The following KCNIP4 variants were observed in gnomAD, a reference collection of about 807,000 sequenced individuals.
KCNIP4 encodes the protein Kv channel-interacting protein 4.
KCNIP4 carries 12 observed loss-of-function variants against 34.0 expected under a neutral mutation model. The observed-to-expected ratio is 0.35, with a 90% CI of 0.23 to 0.57. KCNIP4 has a LOEUF of 0.57. KCNIP4 is among the 20% of genes least tolerant of loss of function. The pLI is 0.83. For synonymous variants in KCNIP4, 124 were observed against 102.2 expected, an observed-to-expected ratio of 1.21 and a Z score of -1.29; for missense variants, 238 against 311.7, an observed-to-expected ratio of 0.76 and a Z score of 1.78.
chr4:21,269,061 C>T (rs1761985184), intron 1 of KCNIP4, among the ~76,000 whole-genome samples: 1 of 152,106 alleles, frequency 6.6e-6, no homozygotes, highest in Non-Finnish European at 1.5e-5. Flanking sequence ...TGGAAGAGGC[C>T]TTGTATACCA....
chr4:20,877,098 G>A (rs970605103), intron 2 of KCNIP4, among the ~76,000 whole-genome samples: 4 of 152,108 alleles, frequency 2.6e-5, no homozygotes, highest in African/African-American at 4.8e-5. Flanking sequence ...TGCCCTTCTG[G>A]TTTCCCATTG....
intron 1 of KCNIP4, among the ~76,000 whole-genome samples, chr4:21,386,196 C>T (rs997692182): frequency 1.3e-5 from 2 of 152,068 alleles, no homozygotes; most frequent in Non-Finnish European, 2.9e-5. Context: ...TTTCTTAAGG[C>T]GGAATTACCT....
chr4:20,920,626 G>C (rs1729301858), intron 1 of KCNIP4, among the ~76,000 whole-genome samples: 1 of 152,174 alleles, frequency 6.6e-6, no homozygotes, highest in Non-Finnish European at 1.5e-5. Flanking sequence ...ACAGTACATG[G>C]AGAAGCCAAG....
At chr4:21,173,711 C>T (rs1207157767) in intron 1 of KCNIP4, among the ~76,000 whole-genome samples, 2 of 152,186 alleles carry the variant, frequency 1.3e-5, no homozygotes, top group African/African-American at 4.8e-5. Flanking sequence ...AGGTCCAGTG[C>T]TCTCTGCAGC....
intron 1 of KCNIP4, among the ~76,000 whole-genome samples, chr4:21,769,415 A>T (rs1718631977): frequency 6.6e-6 from 1 of 152,078 alleles, no homozygotes; most frequent in Admixed American, 6.6e-5. Flanking sequence ...ATTTGATTTC[A>T]TTTGTGGTAT....
chr4:21,426,776 A>C (rs534287345), intron 1 of KCNIP4, among the ~76,000 whole-genome samples: 161 of 151,930 alleles, frequency 1.1e-3, no homozygotes, highest in African/African-American at 3.7e-3. Flanking sequence ...AAAAAAAAAA[A>C]TTAGTTTTAA....
chr4:21,198,082 G>A (rs1206544662), intron 1 of KCNIP4, among the ~76,000 whole-genome samples: 1 of 152,162 alleles, frequency 6.6e-6, no homozygotes, highest in African/African-American at 2.4e-5. Flanking sequence ...CTATACATAT[G>A]AGTAATTTTC....
intron 1 of KCNIP4, among the ~76,000 whole-genome samples, chr4:21,559,966 C>G (rs973731398): frequency 1.9e-4 from 29 of 152,104 alleles, no homozygotes; most frequent in African/African-American, 6.8e-4. Flanking sequence ...ATTATTTCCT[C>G]TTGCTTGATT....
intron 1 of KCNIP4, among the ~76,000 whole-genome samples, chr4:20,909,675 T>C (rs1046486786): frequency 3.3e-5 from 5 of 152,192 alleles, no homozygotes; most frequent in East Asian, 1.9e-4. Context: ...GCCTGCACTA[T>C]AAAGATTGAA....
chr4:21,435,359 G>A (rs1726859047), intron 1 of KCNIP4, among the ~76,000 whole-genome samples: 1 of 152,022 alleles, frequency 6.6e-6, no homozygotes, highest in Non-Finnish European at 1.5e-5. Flanking sequence ...ACTAAGGAAG[G>A]GCTTTGTTTA....
At chr4:20,749,823 A>G in intron 4 of KCNIP4, 91 bp from the exon 5 acceptor site, 1 of 756,052 alleles carries the variant, frequency 1.3e-6, no homozygotes, top group Non-Finnish European at 2.2e-6. Flanking sequence ...TTGATCCAGA[A>G]GAATTAACTC....
At chr4:21,240,801 A>T (rs1480378641) in intron 1 of KCNIP4, among the ~76,000 whole-genome samples, 1 of 152,232 alleles carries the variant, frequency 6.6e-6, no homozygotes, top group South Asian at 2.1e-4. Flanking sequence ...ATGATGCCTT[A>T]TAGGCAGCCA....
chr4:21,921,270 C>T (rs1578145744), intron 1 of KCNIP4, among the ~76,000 whole-genome samples: 1 of 152,092 alleles, frequency 6.6e-6, no homozygotes, highest in Admixed American at 6.6e-5. Context: ...ACTCTTGGTG[C>T]TTTTGCTGTG....
intron 1 of KCNIP4, among the ~76,000 whole-genome samples, chr4:21,892,529 AAAAAAGCAAAAGCAAAAAAGT>A (rs1727157452): frequency 7.1e-6 from 1 of 140,140 alleles, no homozygotes; most frequent in African/African-American, 2.6e-5. Flanking sequence ...CTTTAAAAAA[AAAAAAGCAAAAGCAAAAAAGT>A]AAAAAAAAAA....
chr4:20,964,046 A>G lies in KCNIP4; in HGVS notation c.62-81337T>C, dbSNP rs113559092. Among the ~76,000 whole-genome samples the G allele has an allele frequency of 9.8e-5, 15 of 152,328 alleles. 2 individuals are homozygous for G. Among genetic ancestry groups the G allele is most frequent in the African/African-American group, 3.6e-4 (15 of 41,578 alleles). ...TAAGTATAAAAATTGCTGAATATCA[A>G]TGATTATACACTACAAAAGAATTGC... On this transcript the variant is annotated intron_variant, in intron 1 of 8. Coordinates refer to ENST00000382152, the MANE Select transcript of KCNIP4 (RefSeq NM_025221.6).
intron 1 of KCNIP4, among the ~76,000 whole-genome samples, chr4:21,468,392 A>G (rs1211634458): frequency 6.6e-6 from 1 of 152,202 alleles, no homozygotes; most frequent in Non-Finnish European, 1.5e-5. Flanking sequence ...ACCGGAGCAC[A>G]GCAGGCAAGA....
chr4:21,572,419 C>T (rs1445072284), intron 1 of KCNIP4, among the ~76,000 whole-genome samples: 3 of 152,056 alleles, frequency 2.0e-5, no homozygotes, highest in African/African-American at 4.8e-5. Context: ...AGGATGTGTC[C>T]TTTTAAGCTC....
chr4:21,301,760 C>T (rs1711737419), intron 1 of KCNIP4, among the ~76,000 whole-genome samples: 1 of 152,118 alleles, frequency 6.6e-6, no homozygotes, highest in Non-Finnish European at 1.5e-5. Flanking sequence ...TAGACTTAAA[C>T]TACACACAAT....
rs150604963 is a variant in KCNIP4, at chr4:21,710,227, C to A, written c.61+238344G>T. 4.6e-3 allele frequency among the ~76,000 whole-genome samples: 703 copies of A among 152,276 alleles called. 9 individuals carry two copies. Among genetic ancestry groups the A allele is most frequent in the African/African-American group, 0.016 (673 of 41,548 alleles). On this transcript the variant is annotated intron_variant, in intron 1 of 8. Coordinates refer to ENST00000382152, the MANE Select transcript of KCNIP4 (RefSeq NM_025221.6). ...AAGCTTGGCTCAGAAATCCTCTGTG[C>A]CTTTTGAATGTCCTTGAGTGTTTCC...
Sources: gnomAD v4.1 joint callset for allele counts (sites outside exome capture counted in the v4.1 genomes callset) on GRCh38, gnomAD v4.1.1 for gene constraint, MANE v1.5 for transcripts, NCBI Gene and HGNC (gene_info 2026-07-23, HGNC 2026-07-21) for gene names.